The following TANK variants were observed in gnomAD, a reference collection of about 807,000 sequenced individuals.
The protein encoded by TANK is TRAF family member-associated NF-kappa-B activator.
Under a neutral mutation model 43.6 loss-of-function variants are expected in TANK, and 15 were observed. The observed-to-expected ratio is 0.34, with a 90% CI of 0.23 to 0.53. The LOEUF (loss-of-function observed/expected upper bound fraction) is 0.53, where lower values mean the gene tolerates loss of function less well. TANK is among the 20% of genes least tolerant of loss of function. The pLI is 0.94. For missense variants in TANK, 417 were observed against 498.6 expected (o/e 0.84, Z 1.56); for synonymous variants, 162 against 178.2 (o/e 0.91, Z 0.73).
At chr2:161,160,717 G>A in intron 1 of TANK, 5 of 501,884 alleles carry the variant, frequency 1.0e-5, no homozygotes, top group South Asian at 8.0e-5. Context: ...CCGGGCCCGC[G>A]ATGTCAGCAT....
chr2:161,167,341 A>T (rs577563511), intron 1 of TANK, among the ~76,000 whole-genome samples: 16 of 152,260 alleles, frequency 1.1e-4, no homozygotes, highest in Non-Finnish European at 2.4e-4. Context: ...TGGCTCATAC[A>T]CTGTCAGCCT....
intron 2 of TANK, among the ~76,000 whole-genome samples, chr2:161,188,136 C>A (rs1416622749): frequency 6.6e-6 from 1 of 151,566 alleles, no homozygotes; most frequent in Non-Finnish European, 1.5e-5. Context: ...AACTTTATGC[C>A]TGAAGAAACT....
At chr2:161,160,727 T>C in intron 1 of TANK, 1 of 541,282 alleles carries the variant, frequency 1.8e-6, no homozygotes, top group Non-Finnish European at 3.6e-6. Context: ...GATGTCAGCA[T>C]AGCATCGTCG....
intron 1 of TANK, among the ~76,000 whole-genome samples, chr2:161,142,015 A>G (rs879236883): frequency 6.6e-6 from 1 of 151,750 alleles, no homozygotes; most frequent in Non-Finnish European, 1.5e-5. Context: ...TGTAATAATC[A>G]CCTTTCTGAC....
chr2:161,187,834 A>G (rs1685733872), intron 2 of TANK, among the ~76,000 whole-genome samples: 1 of 152,210 alleles, frequency 6.6e-6, no homozygotes, highest in Non-Finnish European at 1.5e-5. Flanking sequence ...AATAAATTTA[A>G]AAAGATTAAA....
intron 2 of TANK, among the ~76,000 whole-genome samples, chr2:161,184,789 T>A (rs1429642762): frequency 6.6e-6 from 1 of 152,132 alleles, no homozygotes; most frequent in Non-Finnish European, 1.5e-5. Flanking sequence ...AGATCTATAA[T>A]TAGGTTTTAG....
intron 4 of TANK, among the ~76,000 whole-genome samples, chr2:161,217,585 TTGTGTGTGTGTGTGTGTGTG>T (rs375688309): frequency 1.5e-5 from 2 of 136,556 alleles, no homozygotes; most frequent in African/African-American, 2.8e-5. Flanking sequence ...GGTAGTTGGT[TTGTGTGTGTGTGTGTGTGTG>T]TGTGTGTGTG....
chr2:161,149,584 T>C (rs1293334589), intron 1 of TANK, among the ~76,000 whole-genome samples: 4 of 152,206 alleles, frequency 2.6e-5, no homozygotes, highest in African/African-American at 9.6e-5. Flanking sequence ...AGAAAGCTTT[T>C]AGTATTTCAC....
rs1285234801 is a variant in TANK, at chr2:161,138,913, GTAGACA to G, written c.-50+1855_-50+1860del. Among the ~76,000 whole-genome samples, 3 of 152,172 alleles carry G rather than the reference GTAGACA, an allele frequency of 2.0e-5. No individual in the cohort carries two copies. The East Asian group carries it at 5.8e-4, about 29-fold the overall frequency. On this transcript the variant is annotated intron_variant, in intron 1 of 7. Transcript: ENST00000259075. ...ATGTCTTTAATGTATTAAGGCCTCA[GTAGACA>G]TAGAAGTTCTTTATTTATCATTAAA...
intron 4 of TANK, chr2:161,212,839 G>A (rs1558999469): frequency 2.2e-6 from 2 of 901,918 alleles, no homozygotes; most frequent in African/African-American, 3.6e-5. Context: ...ATCTTAGTCT[G>A]TATTGCTGTA....
At chr2:161,145,074 T>A (rs12994242) in intron 1 of TANK, among the ~76,000 whole-genome samples, 2 of 151,786 alleles carry the variant, frequency 1.3e-5, no homozygotes, top group Non-Finnish European at 2.9e-5. Flanking sequence ...TCTTTTTTGA[T>A]CTTTGTTGGT....
At chr2:161,179,475 T>G in intron 1 of TANK, 139 bp from the exon 2 acceptor site, 1 of 633,020 alleles carries the variant, frequency 1.6e-6, no homozygotes, top group Non-Finnish European at 2.4e-6. Flanking sequence ...CTAGTCAGGA[T>G]TTTAGATGAG....
chr2:161,225,372 C>T (rs1268641915), intron 6 of TANK, among the ~76,000 whole-genome samples: 1 of 152,144 alleles, frequency 6.6e-6, no homozygotes, highest in Non-Finnish European at 1.5e-5. Flanking sequence ...AGAATAAAAA[C>T]GTGGCACTCA....
At chr2:161,185,703 G>T (rs1685627703) in intron 2 of TANK, among the ~76,000 whole-genome samples, 1 of 127,764 alleles carries the variant, frequency 7.8e-6, no homozygotes, top group Non-Finnish European at 1.6e-5. Flanking sequence ...CACACTCTGG[G>T]GACTGTGGTG....
Position 161,232,939 on chromosome 2 carries a change from G to C in TANK, c.1101+1388G>C, listed in dbSNP as rs888883059. ...TTTGGCAGAAAAAGCAAAGAAATTA[G>C]TTTGTTTTGAAGACCATGTTACAGT... On this transcript the variant is annotated intron_variant, in intron 7 of 7. Transcript: ENST00000392749. 8 of 1,360,968 alleles carry C rather than the reference G, an allele frequency of 5.9e-6. No homozygotes were observed. The African/African-American group carries it at 1.2e-4, about 20-fold the overall frequency. The allele number at this position is 1,360,968 out of a possible 1,614,324, so 84.3% of individuals were successfully genotyped here.
intron 7 of TANK, 93 bp from the exon 8 acceptor site, chr2:161,235,249 C>T: frequency 8.3e-6 from 9 of 1,080,462 alleles, no homozygotes; most frequent in Non-Finnish European, 9.3e-6. Context: ...AATATATATG[C>T]CCATGCGTAA....
intron 2 of TANK, among the ~76,000 whole-genome samples, chr2:161,186,772 A>C (rs1194164189): frequency 6.6e-6 from 1 of 152,202 alleles, no homozygotes; most frequent in Non-Finnish European, 1.5e-5. Flanking sequence ...ATATTTGCAA[A>C]CTGACAAGGG....
chr2:161,192,406 A>G (rs1043759188), intron 2 of TANK, among the ~76,000 whole-genome samples: 1 of 152,192 alleles, frequency 6.6e-6, no homozygotes, highest in African/African-American at 2.4e-5. Context: ...TACCACTACT[A>G]GTGTCCTGCT....
At chr2:161,175,731 C>T (rs1685146631) in intron 1 of TANK, among the ~76,000 whole-genome samples, 1 of 152,098 alleles carries the variant, frequency 6.6e-6, no homozygotes, top group Non-Finnish European at 1.5e-5. Flanking sequence ...CATGGACAGG[C>T]ACACCATGGG....
Sources: gnomAD v4.1 joint callset for allele counts (sites outside exome capture counted in the v4.1 genomes callset) on GRCh38, gnomAD v4.1.1 for gene constraint, MANE v1.5 for transcripts, NCBI Gene and HGNC (gene_info 2026-07-23, HGNC 2026-07-21) for gene names.